Variants in FYCO1 observed in about 807,000 individuals in gnomAD.
FYCO1 encodes FYVE and coiled-coil domain-containing protein 1.
Under a neutral mutation model 165.1 loss-of-function variants are expected in FYCO1, and 122 were observed. The ratio of observed to expected loss-of-function variants is 0.74; its 90% CI spans 0.64 to 0.86. FYCO1 has a LOEUF of 0.86. FYCO1 is among the 40% of genes least tolerant of loss of function. The probability of loss-of-function intolerance (pLI) is 0.00; values close to 1 mark genes in which losing one functional copy is unlikely to be tolerated. For missense variants in FYCO1, 1,702 were observed against 1,810.3 expected, an observed-to-expected ratio of 0.94 and a Z score of 1.09; for synonymous variants, 648 against 742.5, an observed-to-expected ratio of 0.87 and a Z score of 2.07.
intron 14 of FYCO1, chr3:45,944,966 A>G (rs1222942979): frequency 1.3e-5 from 2 of 152,192 alleles, no homozygotes; most frequent in African/African-American, 4.8e-5. Context: ...CAGGATGTCT[A>G]CTGGCTGACC....
In FYCO1 at chr3:45,923,702, G is replaced by C; in HGVS notation, c.4315C>G (p.Arg1439Gly). 1 of 1,614,144 alleles carries C rather than the reference G, an allele frequency of 6.2e-7. No homozygotes were observed. Reference sequence around the variant, plus strand: ...ATGAGCATGTAGATGCCGGGTGTGCGAACCTTGAGCTGGCCCTGGATGTTC... The same window carrying C: ...ATGAGCATGTAGATGCCGGGTGTGCCAACCTTGAGCTGGCCCTGGATGTTC... Reference protein sequence around the residue: ...KENIQGQLKVRTPGIYMLIFD... With the variant: ...KENIQGQLKVGTPGIYMLIFD... The change falls in exon 17 of 18, where the codon CGC becomes GGC. Residue 1439 changes from arginine to glycine, a missense_variant. By Grantham distance (125) the Arg-to-Gly change is moderately radical (BLOSUM62 -2). Coordinates refer to ENST00000296137, the MANE Select transcript of FYCO1 (RefSeq NM_024513.4).
chr3:45,931,398 G>A (rs1413510160), intron 15 of FYCO1, 117 bp from the exon 16 acceptor site: 1 of 932,852 alleles, frequency 1.1e-6, no homozygotes, highest in African/African-American at 1.6e-5. Flanking sequence ...GAGAGGACAA[G>A]CCCTGGGTAA....
chr3:45,947,552 T>G (rs2234358), intron 14 of FYCO1: 783,473 of 1,499,736 alleles, frequency 0.52, 209,726 homozygotes, highest in South Asian at 0.7. Context: ...AATTTGCAAG[T>G]CATGGCTGTG....
Position 45,966,702 on chromosome 3 carries a change from ACAGCTCCTCCTGCAGGGCCCG to A in FYCO1, c.2611_2631del (p.Arg871_Leu877del), listed in dbSNP as rs777549094. 9.9e-6 allele frequency: 16 copies of A among 1,613,248 alleles called. No homozygotes were observed. In the East Asian group the frequency reaches 3.3e-4, roughly 34 times the overall value. On this transcript the variant is annotated inframe_deletion, in exon 8 of 18. Transcript: ENST00000296137. The stretch of plus-strand genomic sequence containing the variant: ...TCCTCGGAGCTGCATTTGGCCTGGG[ACAGCTCCTCCTGCAGGGCCCG>A]CAGCTCCTCCTCCCTCTGCTGGGCC...
chr3:45,957,323 T>A (rs1347363367), intron 13 of FYCO1, among the ~76,000 whole-genome samples: 2 of 152,242 alleles, frequency 1.3e-5, no homozygotes, highest in Non-Finnish European at 2.9e-5. Flanking sequence ...AGAAGGTCTG[T>A]GAGTCCTTGG....
chr3:45,921,240 T>G lies in FYCO1; in HGVS notation c.*525A>C. 5.1e-6 allele frequency: 1 copy of G among 195,464 alleles called. No individual in the cohort carries two copies. Among genetic ancestry groups the G allele is most frequent in the Non-Finnish European group, 1.1e-5 (1 of 93,658 alleles). 12.1% of individuals were successfully genotyped at this position (195,464 alleles called of 1,614,324 possible). On this transcript the variant is annotated 3_prime_UTR_variant, in exon 18 of 18. Coordinates refer to ENST00000296137, the MANE Select transcript of FYCO1 (RefSeq NM_024513.4). ...GGAGCTGGTCAGGATCTCCGGGGGG[T>G]CCCCTGGCACCGACTCGCATGATGG...
At position 45,964,793 on chromosome 3, in the gene FYCO1, C is replaced by T. The variant is rs12635494; in HGVS notation, c.3150+240G>A. ...CACCCATTTCAGAATCACTGGCTGG[C>T]GATCACCCATAGAGATGGCCAAAGA... On this transcript the variant is annotated intron_variant, in intron 9 of 17. Transcript: ENST00000296137. The surrounding 1 kb of genome is among the most constrained non-coding windows in gnomAD (Gnocchi z 4.1). 0.34 allele frequency among the ~76,000 whole-genome samples: 52,012 copies of T among 151,976 alleles called. 10,614 individuals are homozygous for T. The highest frequency in any genetic ancestry group is 0.67 in the East Asian group (3,481 of 5,174).
Position 45,931,250 on chromosome 3 carries a change from C to A in FYCO1, c.4072G>T (p.Ala1358Ser), listed in dbSNP as rs548302344. 1.2e-5 allele frequency: 19 copies of A among 1,613,748 alleles called. No homozygotes were observed. Among genetic ancestry groups the A allele is most frequent in the Non-Finnish European group, 1.4e-5 (17 of 1,179,944 alleles). Residue 1358 changes from alanine (A) to serine (S), a missense_variant, in exon 16 of 18, where the codon GCC becomes TCC. By Grantham distance (99) the Ala-to-Ser change is moderately conservative. Coordinates refer to ENST00000296137, the MANE Select transcript of FYCO1 (RefSeq NM_024513.4). ...TCCCTGCTACCCTCCCCGAAGCTGG[C>A]GATCTCATCCACTGTGAGGGGTACT... ...IKVPLTVDEI[A>S]SFGEGSRELF...
At chr3:45,924,939 T>A (rs562391544) in intron 16 of FYCO1, among the ~76,000 whole-genome samples, 7 of 21,654 alleles carry the variant, frequency 3.2e-4, no homozygotes, top group South Asian at 2.2e-3. Flanking sequence ...TAAAAAAAAT[T>A]TTTTTTTTAA....
rs574158560 is a variant in FYCO1 at position 45,918,881 on chromosome 3, C to T, written c.*2884G>A. On this transcript the variant is annotated 3_prime_UTR_variant, in exon 18 of 18. Coordinates refer to ENST00000296137, the MANE Select transcript of FYCO1 (RefSeq NM_024513.4). The stretch of plus-strand genomic sequence containing the variant: ...GAGGTCAAGCACTCTGTAGAGTCCA[C>T]TTGGACCTGGAGGACAACACTTTGT... 6 of 152,306 alleles carry T rather than the reference C, an allele frequency of 3.9e-5. No individual in the cohort carries two copies. The highest frequency in any genetic ancestry group is 4.1e-4 in the South Asian group (2 of 4,826). 9.4% of individuals were successfully genotyped at this position (152,306 alleles called of 1,614,324 possible). A position where few individuals can be genotyped will look rare whatever the true frequency, so the allele number is the denominator to read the frequency against.
Position 45,921,390 on chromosome 3 carries a change from C to T in FYCO1, c.*375G>A. 3.0e-6 allele frequency: 1 copy of T among 338,150 alleles called. No individual in the cohort carries two copies. Among genetic ancestry groups the T allele is most frequent in the Admixed American group, 4.2e-5 (1 of 24,022 alleles). The allele number at this position is 338,150 out of a possible 1,614,324, so 20.9% of individuals were successfully genotyped here. A position where few individuals can be genotyped will look rare whatever the true frequency, so the allele number is the denominator to read the frequency against. On this transcript the variant is annotated 3_prime_UTR_variant, in exon 18 of 18. Coordinates refer to ENST00000296137, the MANE Select transcript of FYCO1 (RefSeq NM_024513.4). ...CCTGGTGGGGCAGGGCAGAAAATCT[C>T]TCCACAGGCAGAAGTTGGAATCACC...
At chr3:45,955,426 A>T (rs753064152) in intron 13 of FYCO1, 33 bp from the exon 14 acceptor site, 1 of 1,613,520 alleles carries the variant, frequency 6.2e-7, no homozygotes, top group East Asian at 2.2e-5. Flanking sequence ...GAGAGAAGAG[A>T]CACAACACAC....
chr3:45,947,090 A>G, intron 14 of FYCO1: 1 of 1,614,208 alleles, frequency 6.2e-7, no homozygotes, highest in Non-Finnish European at 8.5e-7. Context: ...TCTTCTTGCC[A>G]CTGCTCACCA....
At chr3:45,959,918 A>G (rs1329719144) in intron 11 of FYCO1, among the ~76,000 whole-genome samples, 1 of 152,188 alleles carries the variant, frequency 6.6e-6, no homozygotes, top group Non-Finnish European at 1.5e-5. Context: ...AAGGACCATG[A>G]ATGTACTTCC....
chr3:45,954,559 C>G (rs191216412), intron 14 of FYCO1, among the ~76,000 whole-genome samples: 4 of 152,152 alleles, frequency 2.6e-5, no homozygotes, highest in African/African-American at 9.7e-5. Context: ...GAGCAATTGC[C>G]AAGGGCGGCC....
chr3:45,946,461 G>T lies in FYCO1; in HGVS notation c.3944+8788C>A, dbSNP rs781734811. ...ATAATTCCTGGGTTCTGACTCACAGGTGTTCATCAGAACAGACACCATGGC... is the reference window on the plus strand; with the variant it reads ...ATAATTCCTGGGTTCTGACTCACAGTTGTTCATCAGAACAGACACCATGGC... On this transcript the variant is annotated intron_variant, in intron 14 of 17. Coordinates refer to ENST00000296137, the MANE Select transcript of FYCO1 (RefSeq NM_024513.4). 8 of 1,589,848 alleles carry T rather than the reference G, an allele frequency of 5.0e-6. No individual in the cohort carries two copies. The highest frequency in any genetic ancestry group is 6.9e-6 in the Non-Finnish European group (8 of 1,161,730).
chr3:45,966,385 G>T lies in FYCO1; in HGVS notation c.2949C>A (p.Ala983=), dbSNP rs1706016538. 6.2e-7 allele frequency: 1 copy of T among 1,613,840 alleles called. No homozygotes were observed. The highest frequency in any genetic ancestry group is 8.5e-7 in the Non-Finnish European group (1 of 1,179,888). Residue 983 remains alanine, a synonymous_variant, in exon 8 of 18, where the codon GCC becomes GCA. Coordinates refer to ENST00000296137, the MANE Select transcript of FYCO1 (RefSeq NM_024513.4). ...GGCTCTGGGCCCGCTGCTCTGCCTGGGCGAGCTGGGCCTGCAGGCCAGGCA... is the reference window on the plus strand; with the variant it reads ...GGCTCTGGGCCCGCTGCTCTGCCTGTGCGAGCTGGGCCTGCAGGCCAGGCA... ...GSLPGLQAQL[A]QAEQRAQSLQ...
intron 15 of FYCO1, among the ~76,000 whole-genome samples, chr3:45,932,192 A>T (rs2125799457): frequency 6.6e-6 from 1 of 152,192 alleles, no homozygotes; most frequent in Admixed American, 6.5e-5. Context: ...GAGTGGCACC[A>T]CTCCTACACT....
intron 1 of FYCO1, among the ~76,000 whole-genome samples, chr3:45,985,576 G>T (rs983832794): frequency 6.6e-6 from 1 of 152,164 alleles, no homozygotes; most frequent in South Asian, 2.1e-4. Flanking sequence ...GCCTGGCAGG[G>T]TCCCCTTCGT....
Sources: gnomAD v4.1 joint callset for allele counts (sites outside exome capture counted in the v4.1 genomes callset) on GRCh38, gnomAD v4.1.1 for gene constraint, Gnocchi (gnomAD v3.1) non-coding constraint, MANE v1.5 for transcripts, NCBI Gene and HGNC (gene_info 2026-07-23, HGNC 2026-07-21) for gene names.